The following SHROOM3 variants were observed in gnomAD, a reference collection of about 807,000 sequenced individuals.
SHROOM3 encodes the protein shroom family member 3.
A neutral mutation model predicts 138.6 loss-of-function variants in SHROOM3; 47 were observed. The observed-to-expected ratio is 0.34, with a 90% CI of 0.27 to 0.43. SHROOM3 has a LOEUF of 0.43. SHROOM3 is among the 20% of genes least tolerant of loss of function. The probability of loss-of-function intolerance (pLI) is 1.00; values close to 1 mark genes in which losing one functional copy is unlikely to be tolerated. For synonymous variants in SHROOM3, 1,062 were observed against 1,063.3 expected, an observed-to-expected ratio of 1.00 and a Z score of 0.02; for missense variants, 2,491 against 2,596.5, an observed-to-expected ratio of 0.96 and a Z score of 0.88.
chr4:76,740,700 A>G lies in SHROOM3; in HGVS notation c.2527A>G (p.Asn843Asp), dbSNP rs1721220675. 6.2e-7 allele frequency: 1 copy of G among 1,613,752 alleles called. No individual in the cohort carries two copies. The highest frequency in any genetic ancestry group is 8.5e-7 in the Non-Finnish European group (1 of 1,180,004). The change falls in exon 5 of 11, where the codon AAC (asparagine) becomes GAC (aspartate). Residue 843 changes from asparagine (N) to aspartate (D), a missense_variant. Physicochemically the swap from Asn to Asp is conservative, Grantham distance 23. Coordinates refer to ENST00000296043, the MANE Select transcript of SHROOM3 (RefSeq NM_020859.4). This position sits in a 1 kb window ranked among gnomAD's most constrained non-coding sequence, Gnocchi z 4.0. ...RFSESAEPLG[N>D]GEQHFKNGEL... ...CTCTGAGTCAGCTGAACCCCTAGGC[A>G]ACGGGGAGCAGCACTTCAAAAACGG...
chr4:76,687,832 C>G (rs1719385098), intron 2 of SHROOM3, among the ~76,000 whole-genome samples: 1 of 152,172 alleles, frequency 6.6e-6, no homozygotes, highest in Non-Finnish European at 1.5e-5. Context: ...ATGTTTCACA[C>G]AGAAGTAGAG....
At chr4:76,750,705 A>AG (rs1235804609) in intron 6 of SHROOM3, among the ~76,000 whole-genome samples, 1 of 151,786 alleles carries the variant, frequency 6.6e-6, no homozygotes, top group African/African-American at 2.4e-5. Flanking sequence ...GTGACAGGTG[A>AG]GGGGGGCTGT....
intron 2 of SHROOM3, among the ~76,000 whole-genome samples, chr4:76,621,602 A>G (rs533778386): frequency 3.9e-5 from 6 of 152,120 alleles, no homozygotes; most frequent in African/African-American, 1.2e-4. Context: ...ACATTTTTAT[A>G]AAGAGTAGTT....
chr4:76,600,173 AC>A (rs1734476985), intron 2 of SHROOM3, among the ~76,000 whole-genome samples: 2 of 151,800 alleles, frequency 1.3e-5, no homozygotes, highest in East Asian at 3.9e-4. Context: ...ACAAACAAAA[AC>A]CCAAAAAATA....
chr4:76,565,485 A>G (rs141462082), intron 2 of SHROOM3, among the ~76,000 whole-genome samples: 1 of 152,206 alleles, frequency 6.6e-6, no homozygotes, highest in Non-Finnish European at 1.5e-5. Flanking sequence ...CAGAAATTCT[A>G]ATTTATTTTA....
intron 2 of SHROOM3, among the ~76,000 whole-genome samples, chr4:76,681,625 G>GTGTGTA (rs1553936160): frequency 8.5e-6 from 1 of 117,886 alleles, no homozygotes; most frequent in African/African-American, 3.5e-5. Context: ...GTGTGTGTGT[G>GTGTGTA]TGTGTGTGTA....
At chr4:76,565,882 G>A (rs150534907) in intron 2 of SHROOM3, among the ~76,000 whole-genome samples, 1 of 152,154 alleles carries the variant, frequency 6.6e-6, no homozygotes, top group Non-Finnish European at 1.5e-5. Flanking sequence ...TTGGAAGGCC[G>A]AGGCAGGAGG....
At chr4:76,634,489 T>C (rs1735434742) in intron 2 of SHROOM3, among the ~76,000 whole-genome samples, 1 of 152,200 alleles carries the variant, frequency 6.6e-6, no homozygotes, top group Non-Finnish European at 1.5e-5. Context: ...GTCCTTAGTG[T>C]ATTGGCCAAT....
intron 1 of SHROOM3, among the ~76,000 whole-genome samples, chr4:76,484,398 C>T (rs1228407187): frequency 6.6e-6 from 1 of 151,344 alleles, no homozygotes; most frequent in Non-Finnish European, 1.5e-5. Context: ...ATAGTGAGAC[C>T]TCATCTCTTA....
intron 2 of SHROOM3, among the ~76,000 whole-genome samples, chr4:76,594,244 G>T (rs1178368822): frequency 1.3e-5 from 2 of 152,138 alleles, no homozygotes; most frequent in African/African-American, 4.8e-5. Flanking sequence ...CTTTTTATTT[G>T]TTGTAGCTCT....
chr4:76,485,828 C>A (rs1474851376), intron 1 of SHROOM3, among the ~76,000 whole-genome samples: 1 of 152,098 alleles, frequency 6.6e-6, no homozygotes, highest in African/African-American at 2.4e-5. Context: ...ATGTCTTGCA[C>A]ATCTGAAATG....
intron 2 of SHROOM3, among the ~76,000 whole-genome samples, chr4:76,595,627 T>A (rs1734365326): frequency 6.6e-6 from 1 of 152,196 alleles, no homozygotes; most frequent in Non-Finnish European, 1.5e-5. Context: ...TTAGTTAGGC[T>A]TATGTCCTAT....
intron 2 of SHROOM3, among the ~76,000 whole-genome samples, chr4:76,582,260 C>T (rs912558464): frequency 6.6e-6 from 1 of 152,170 alleles, no homozygotes; most frequent in Non-Finnish European, 1.5e-5. Flanking sequence ...CTAAGTTCCT[C>T]CTGGGAGTTT....
intron 1 of SHROOM3, among the ~76,000 whole-genome samples, chr4:76,527,311 G>A (rs1003837767): frequency 6.6e-6 from 1 of 152,148 alleles, no homozygotes. Context: ...GGCTGGGCGC[G>A]GTGGCTCATG....
intron 1 of SHROOM3, among the ~76,000 whole-genome samples, chr4:76,481,697 CA>C (rs546273911): frequency 6.6e-6 from 1 of 152,114 alleles, no homozygotes; most frequent in African/African-American, 2.4e-5. Context: ...AGAGACACAA[CA>C]AAAAATGAAA....
At chr4:76,606,098 C>T (rs1734615748) in intron 2 of SHROOM3, among the ~76,000 whole-genome samples, 1 of 146,736 alleles carries the variant, frequency 6.8e-6, no homozygotes, top group South Asian at 2.2e-4. Context: ...ACTGCAACCT[C>T]CACCTCCCGG....
At chr4:76,660,695 C>A (rs868375909) in intron 2 of SHROOM3, among the ~76,000 whole-genome samples, 1 of 152,082 alleles carries the variant, frequency 6.6e-6, no homozygotes, top group African/African-American at 2.4e-5. Flanking sequence ...AGGCTGGTCT[C>A]AAACTCCTGA....
At chr4:76,472,066 T>C (rs1169992127) in intron 1 of SHROOM3, among the ~76,000 whole-genome samples, 2 of 151,248 alleles carry the variant, frequency 1.3e-5, no homozygotes, top group Non-Finnish European at 2.9e-5. Context: ...GATGGACTGA[T>C]ATAATGCCTG....
chr4:76,590,635 C>T (rs1734252903), intron 2 of SHROOM3, among the ~76,000 whole-genome samples: 1 of 151,796 alleles, frequency 6.6e-6, no homozygotes, highest in Non-Finnish European at 1.5e-5. Flanking sequence ...GAAGAAAAGC[C>T]CCCGCATCCT....
Sources: gnomAD v4.1 joint callset for allele counts (sites outside exome capture counted in the v4.1 genomes callset) on GRCh38, gnomAD v4.1.1 for gene constraint, Gnocchi (gnomAD v3.1) non-coding constraint, MANE v1.5 for transcripts, NCBI Gene and HGNC (gene_info 2026-07-23, HGNC 2026-07-21) for gene names.